MAP2K1: variants seen among roughly 807,000 people sequenced by gnomAD.
The protein encoded by MAP2K1 is mitogen-activated protein kinase kinase 1, also known as dual specificity mitogen-activated protein kinase kinase 1.
A neutral mutation model predicts 46.3 loss-of-function variants in MAP2K1; 16 were observed. The ratio of observed to expected loss-of-function variants is 0.35; its 90% CI spans 0.23 to 0.52. MAP2K1 has a LOEUF of 0.52. MAP2K1 is among the 20% of genes least tolerant of loss of function. The pLI is 0.94. For missense variants in MAP2K1, 263 were observed against 497.1 expected (o/e 0.53, Z 4.48); for synonymous variants, 183 against 185.6 (o/e 0.99, Z 0.11).
At position 66,420,928 on chromosome 15, in the gene MAP2K1, TATACAC is replaced by T. The variant is rs1268233995; in HGVS notation, c.81-14097_81-14092del. Among the ~76,000 whole-genome samples, 50 of 132,416 alleles carry T rather than the reference TATACAC, an allele frequency of 3.8e-4. 1 individual carries two copies. The highest frequency in any genetic ancestry group is 6.7e-4 in the Non-Finnish European group (41 of 61,536). 86.9% of individuals were successfully genotyped at this position (132,416 alleles called of 152,430 possible). A position where few individuals can be genotyped will look rare whatever the true frequency, so the allele number is the denominator to read the frequency against. ...ACATACACACACATACATACATATA[TATACAC>T]ACATACATATATACATACACATACA... On this transcript the variant is annotated intron_variant, in intron 1 of 10. Coordinates refer to ENST00000307102, the MANE Select transcript of MAP2K1 (RefSeq NM_002755.4).
chr15:66,397,997 G>T (rs2093372240), intron 1 of MAP2K1, among the ~76,000 whole-genome samples: 1 of 152,130 alleles, frequency 6.6e-6, no homozygotes, highest in Non-Finnish European at 1.5e-5. Flanking sequence ...AGCTACTTGG[G>T]AGGCTGAGGT....
In MAP2K1 at chr15:66,472,503, CCCAGACCTATGAGAT is replaced by C. The variant is rs1213080521; in HGVS notation, c.569-9250_569-9236del. Reference sequence around the variant, plus strand: ...TGATTGGACTGTTAGGGGTCGTGTGCCCAGACCTATGAGATCACCGTGGCCAGGTGACAGGGAGCT... The same window carrying C: ...TGATTGGACTGTTAGGGGTCGTGTGCCACCGTGGCCAGGTGACAGGGAGCT... On this transcript the variant is annotated intron_variant, in intron 5 of 10. Transcript: ENST00000307102. Among the ~76,000 whole-genome samples the C allele has an allele frequency of 2.0e-5, 3 of 152,028 alleles. No individual in the cohort carries two copies. The East Asian group carries it at 5.8e-4, about 29-fold the overall frequency.
At chr15:66,453,128 A>G (rs1309904102) in intron 5 of MAP2K1, among the ~76,000 whole-genome samples, 3 of 152,198 alleles carry the variant, frequency 2.0e-5, no homozygotes, top group Non-Finnish European at 2.9e-5. Context: ...TGTACCTACT[A>G]TGGATCATGC....
chr15:66,389,631 G>A (rs1330769184), intron 1 of MAP2K1, among the ~76,000 whole-genome samples: 4 of 139,330 alleles, frequency 2.9e-5, no homozygotes, highest in Non-Finnish European at 4.5e-5. Flanking sequence ...CCAGAGTGCA[G>A]TGGTGCGATC....
chr15:66,432,104 C>G (rs2093476376), intron 1 of MAP2K1, among the ~76,000 whole-genome samples: 2 of 152,158 alleles, frequency 1.3e-5, no homozygotes, highest in African/African-American at 4.8e-5. Flanking sequence ...AGTGACTTGT[C>G]CATGGTCACA....
In MAP2K1 at chr15:66,434,894, G is replaced by A. The variant is rs2093483550; in HGVS notation, c.81-133G>A. The A allele has an allele frequency of 6.8e-6, 5 of 740,090 alleles. No individual in the cohort carries two copies. The South Asian group carries it at 7.1e-5, about 11-fold the overall frequency. The allele number at this position is 740,090 out of a possible 1,614,324, so 45.8% of individuals were successfully genotyped here. A position where few individuals can be genotyped will look rare whatever the true frequency, so the allele number is the denominator to read the frequency against. ...GTGGGCAGAGCCACAGTGGGAGGGG[G>A]CCTCCTCTCTAGCCTCCCACTTTGA... is the stretch of plus-strand genomic sequence containing the variant. On this transcript the variant is annotated intron_variant, in intron 1 of 10. Transcript: ENST00000307102.
intron 5 of MAP2K1, among the ~76,000 whole-genome samples, chr15:66,474,430 G>C (rs1216587481): frequency 6.6e-6 from 1 of 152,148 alleles, no homozygotes; most frequent in African/African-American, 2.4e-5. Context: ...TCGCTAAACT[G>C]GAGTGGAGAA....
At chr15:66,472,031 C>T (rs1450402422) in intron 5 of MAP2K1, among the ~76,000 whole-genome samples, 6 of 144,932 alleles carry the variant, frequency 4.1e-5, no homozygotes, top group Non-Finnish European at 9.0e-5. Context: ...GAGCTGAGAT[C>T]GCGCCATTGC....
intron 1 of MAP2K1, among the ~76,000 whole-genome samples, chr15:66,398,428 A>G (rs142218389): frequency 1.0e-3 from 153 of 152,134 alleles, no homozygotes; most frequent in Non-Finnish European, 1.7e-3. Context: ...AAAAGGTGAT[A>G]TCAAGGGAAA....
chr15:66,407,529 G>A (rs2093400578), intron 1 of MAP2K1, among the ~76,000 whole-genome samples: 2 of 152,194 alleles, frequency 1.3e-5, no homozygotes, highest in African/African-American at 4.8e-5. Flanking sequence ...GGGAGTGATG[G>A]TAATGGCTTC....
intron 5 of MAP2K1, among the ~76,000 whole-genome samples, chr15:66,459,468 A>G (rs1041287261): frequency 2.6e-5 from 4 of 151,830 alleles, no homozygotes; most frequent in African/African-American, 9.7e-5. Flanking sequence ...ATACAAAAAA[A>G]TTAGCCTGGC....
chr15:66,470,443 G>C (rs1383121872), intron 5 of MAP2K1, among the ~76,000 whole-genome samples: 1 of 152,134 alleles, frequency 6.6e-6, no homozygotes, highest in African/African-American at 2.4e-5. Flanking sequence ...TGTCCTCCCT[G>C]TTGGAAGCAA....
chr15:66,455,967 G>C (rs1595871810), intron 5 of MAP2K1, among the ~76,000 whole-genome samples: 1 of 152,206 alleles, frequency 6.6e-6, no homozygotes, highest in Admixed American at 6.5e-5. Context: ...GGTGGGTATA[G>C]ATCTGTCACC....
At position 66,387,394 on chromosome 15, in the gene MAP2K1, A is replaced by T. The variant is rs1455356412; in HGVS notation, c.47A>T (p.Asp16Val). ...CCCATCCAGCTGAACCCGGCCCCCGACGGCTCTGCAGTTAACGGGACCAGC... is the reference window on the plus strand; with the variant it reads ...CCCATCCAGCTGAACCCGGCCCCCGTCGGCTCTGCAGTTAACGGGACCAGC... The part of the protein sequence containing the change: ...PTPIQLNPAP[D>V]GSAVNGTSSA... Residue 16 changes from aspartate to valine, a missense_variant, in exon 1 of 11, where the codon GAC (aspartate) becomes GTC (valine). Physicochemically the swap from Asp to Val is radical, Grantham distance 152 (BLOSUM62 -3). Transcript: ENST00000307102. 1 of 1,565,326 alleles carries T rather than the reference A, an allele frequency of 6.4e-7. No homozygotes were observed. The highest frequency in any genetic ancestry group is 1.2e-5 in the South Asian group (1 of 85,150).
chr15:66,436,722 T>C (rs2140583113), intron 2 of MAP2K1, 24 bp from the exon 3 acceptor site: 1 of 1,612,878 alleles, frequency 6.2e-7, no homozygotes, highest in South Asian at 1.1e-5. Flanking sequence ...TCATAAAACC[T>C]CTCTTTCTTC....
chr15:66,460,401 A>G (rs911162566), intron 5 of MAP2K1, among the ~76,000 whole-genome samples: 2 of 152,172 alleles, frequency 1.3e-5, no homozygotes, highest in African/African-American at 4.8e-5. Flanking sequence ...TAGAAGTTAT[A>G]TATGTGGCAG....
At position 66,420,867 on chromosome 15, in the gene MAP2K1, A is replaced by G. The variant is rs1346819404; in HGVS notation, c.81-14160A>G. Among the ~76,000 whole-genome samples, 18 of 136,054 alleles carry G rather than the reference A, an allele frequency of 1.3e-4. 2 individuals carry two copies. Among genetic ancestry groups the G allele is most frequent in the East Asian group, 4.1e-4 (2 of 4,860 alleles). 89.3% of individuals were successfully genotyped at this position (136,054 alleles called of 152,430 possible). On this transcript the variant is annotated intron_variant, in intron 1 of 10. Transcript: ENST00000307102. ...TGTGTATATATATGTGTGTATATATATGTGTGTATATATATGTGTATATAT... is the reference window on the plus strand; with the variant it reads ...TGTGTATATATATGTGTGTATATATGTGTGTGTATATATATGTGTATATAT...
At chr15:66,482,890 C>T (rs1211688563) in intron 6 of MAP2K1, among the ~76,000 whole-genome samples, 1 of 152,054 alleles carries the variant, frequency 6.6e-6, no homozygotes, top group East Asian at 1.9e-4. Context: ...AGTGCAGGCC[C>T]GCGTGGAGAG....
chr15:66,395,976 G>A (rs546436411), intron 1 of MAP2K1, among the ~76,000 whole-genome samples: 4 of 152,142 alleles, frequency 2.6e-5, no homozygotes, highest in Admixed American at 6.5e-5. Context: ...CTGCTGTGGG[G>A]CCTAGAATAA....
Sources: allele counts gnomAD v4.1 joint callset (sites outside exome capture counted in the v4.1 genomes callset), GRCh38; gene constraint gnomAD v4.1.1; transcripts MANE v1.5; gene names NCBI Gene and HGNC (gene_info 2026-07-23, HGNC 2026-07-21).